The following FREM1 variants were observed in gnomAD, a reference collection of about 807,000 sequenced individuals.
The protein encoded by FREM1 is FRAS1-related extracellular matrix protein 1.
FREM1 carries 220 observed loss-of-function variants against 210.1 expected under a neutral mutation model. The ratio of observed to expected loss-of-function variants is 1.05; its 90% confidence interval spans 0.94 to 1.17. The LOEUF is 1.17. FREM1 is among the 50% of genes most tolerant of loss of function. The pLI, the probability that FREM1 is intolerant of heterozygous loss-of-function variation, is 0.00. For synonymous variants in FREM1, 1,189 were observed against 980.2 expected (o/e 1.21, Z -3.98); for missense variants, 3,454 against 2,675.5 (o/e 1.29, Z -6.42).
At chr9:14,891,803 G>A (rs1379943001) in intron 1 of FREM1, among the ~76,000 whole-genome samples, 4 of 152,172 alleles carry the variant, frequency 2.6e-5, no homozygotes, top group Admixed American at 6.5e-5. Context: ...ACAAGTAGGT[G>A]TTATGTCAGA....
intron 13 of FREM1, among the ~76,000 whole-genome samples, chr9:14,820,417 G>C (rs996267161): frequency 6.6e-5 from 10 of 152,122 alleles, no homozygotes; most frequent in Admixed American, 4.6e-4. Context: ...AGTTCTCCTA[G>C]GAAGCACCTA....
chr9:14,782,892 C>A (rs2132823285), intron 24 of FREM1, among the ~76,000 whole-genome samples: 1 of 152,278 alleles, frequency 6.6e-6, no homozygotes, highest in East Asian at 1.9e-4. Flanking sequence ...GGTTGTGTAA[C>A]CTGATGATTG....
At chr9:14,772,283 T>A (rs954596219) in intron 25 of FREM1, among the ~76,000 whole-genome samples, 1 of 152,068 alleles carries the variant, frequency 6.6e-6, no homozygotes, top group Non-Finnish European at 1.5e-5. Flanking sequence ...ATAATAGCAA[T>A]TTACAAAAGG....
At chr9:14,739,670 C>T (rs781330969) in intron 36 of FREM1, among the ~76,000 whole-genome samples, 36 of 150,988 alleles carry the variant, frequency 2.4e-4, no homozygotes, top group Middle Eastern at 6.8e-3. Flanking sequence ...TTGCACCTTG[C>T]CATAAATGGA....
At chr9:14,776,343 AG>A in intron 24 of FREM1, 140 bp from the exon 25 acceptor site, 1 of 932,944 alleles carries the variant, frequency 1.1e-6, no homozygotes, top group Non-Finnish European at 1.5e-6. Flanking sequence ...CAGATCTTGC[AG>A]AAAAATCCCT....
At chr9:14,879,872 T>G (rs2065482) in intron 1 of FREM1, among the ~76,000 whole-genome samples, 73,358 of 151,954 alleles carry the variant, frequency 0.48, 19,651 homozygotes, top group East Asian at 0.72. Flanking sequence ...TGTTGGTAGG[T>G]ACAATATGAT....
intron 22 of FREM1, among the ~76,000 whole-genome samples, chr9:14,791,820 G>GTTTGTTTT (rs1554664925): frequency 6.7e-6 from 1 of 150,234 alleles, no homozygotes; most frequent in Non-Finnish European, 1.5e-5. Context: ...TCAGATAATG[G>GTTTGTTTT]TTTGTTTTGT....
At chr9:14,751,488 TAAAACA>T (rs1843380126) in intron 29 of FREM1, among the ~76,000 whole-genome samples, 2 of 151,780 alleles carry the variant, frequency 1.3e-5, no homozygotes, top group Admixed American at 6.6e-5. Flanking sequence ...ATCTCTACAA[TAAAACA>T]AAAACAAAAA....
chr9:14,806,787 C>A lies in FREM1; in HGVS notation c.3148G>T (p.Ala1050Ser), dbSNP rs556974765. The A allele has an allele frequency of 6.2e-7, 1 of 1,606,918 alleles. No homozygotes were observed. The highest frequency in any genetic ancestry group is 2.2e-5 in the East Asian group (1 of 44,810). ...TCTGCTGCAGTGTCAGGGTCAGTGG[C>A]GGACAAATGGTTAACAGTAAGGGCT... Reference protein sequence around the residue: ...STALTVNHLSATDPDTAADDL... With the variant: ...STALTVNHLSSTDPDTAADDL... Residue 1050 changes from alanine to serine, a missense_variant, in exon 18 of 37, where the codon GCC (alanine) becomes TCC (serine). Transcript: ENST00000380880.
intron 30 of FREM1, among the ~76,000 whole-genome samples, chr9:14,749,000 C>T: frequency 6.6e-6 from 1 of 152,060 alleles, no homozygotes; most frequent in East Asian, 1.9e-4. Flanking sequence ...AGCATTATTC[C>T]ACAAGCACTT....
chr9:14,888,823 A>G (rs1836270591), intron 1 of FREM1, among the ~76,000 whole-genome samples: 1 of 152,228 alleles, frequency 6.6e-6, no homozygotes, highest in African/African-American at 2.4e-5. Context: ...CAGTTCATTT[A>G]TCAATGTATT....
intron 1 of FREM1, among the ~76,000 whole-genome samples, chr9:14,905,051 A>C (rs1817451925): frequency 6.6e-6 from 1 of 152,028 alleles, no homozygotes; most frequent in South Asian, 2.1e-4. Flanking sequence ...ACTTTGCCAC[A>C]TGTTGCATAT....
At chr9:14,859,541 C>G (rs1021984839) in intron 3 of FREM1, 57 bp from the exon 4 acceptor site, 5 of 1,415,400 alleles carry the variant, frequency 3.5e-6, no homozygotes, top group Non-Finnish European at 4.8e-6. Context: ...TTTCTGATAC[C>G]CATGTACTCA....
intron 1 of FREM1, among the ~76,000 whole-genome samples, chr9:14,893,917 A>G (rs1837280985): frequency 6.6e-6 from 1 of 152,224 alleles, no homozygotes; most frequent in Non-Finnish European, 1.5e-5. Flanking sequence ...GTTTTTCTAT[A>G]AATTGAACAT....
intron 7 of FREM1, among the ~76,000 whole-genome samples, chr9:14,847,102 C>T (rs1340139261): frequency 6.6e-6 from 1 of 152,124 alleles, no homozygotes; most frequent in Non-Finnish European, 1.5e-5. Context: ...AACTTTAACC[C>T]ATTAAACACA....
Position 14,747,718 on chromosome 9 carries a change from G to T in FREM1, c.5807C>A (p.Ser1936Tyr). ...GTCTGTTCCATTTCTATAAACAGAG[G>T]ATGGACGAACCTGAAATTGACAGAG... Reference protein sequence around the residue: ...TRGNGKTVRPSSVYRNGTDII... With the variant: ...TRGNGKTVRPYSVYRNGTDII... The change falls in exon 32 of 37, where the codon TCC becomes TAC. Residue 1936 changes from serine (S) to tyrosine (Y), a missense_variant. Ser to Tyr is a moderately radical substitution (Grantham distance 144, BLOSUM62 -2). Transcript: ENST00000380880. 1.9e-6 allele frequency: 3 copies of T among 1,541,124 alleles called. No homozygotes were observed. The highest frequency in any genetic ancestry group is 2.0e-5 in the Admixed American group (1 of 50,008).
intron 17 of FREM1, among the ~76,000 whole-genome samples, chr9:14,807,206 A>G (rs1178549076): frequency 6.6e-6 from 1 of 152,212 alleles, no homozygotes; most frequent in African/African-American, 2.4e-5. Context: ...AGAATTGCCC[A>G]ACTGTTTTAA....
At chr9:14,885,005 A>G (rs565659290) in intron 1 of FREM1, among the ~76,000 whole-genome samples, 63 of 126,446 alleles carry the variant, frequency 5.0e-4, no homozygotes, top group African/African-American at 1.9e-3. Context: ...GCTCACTGCA[A>G]GCTCCGCCTC....
intron 22 of FREM1, among the ~76,000 whole-genome samples, chr9:14,789,633 G>T (rs1850967630): frequency 6.6e-6 from 1 of 152,050 alleles, no homozygotes. Context: ...CCTTACTAAA[G>T]AAAGAAAATG....
Sources: allele counts gnomAD v4.1 joint callset (sites outside exome capture counted in the v4.1 genomes callset), GRCh38; gene constraint gnomAD v4.1.1; transcripts MANE v1.5; gene names NCBI Gene and HGNC (gene_info 2026-07-23, HGNC 2026-07-21).